PDE6A: variants seen among roughly 807,000 people sequenced by gnomAD.
The protein encoded by PDE6A is phosphodiesterase 6A.
A neutral mutation model predicts 106.3 loss-of-function variants in PDE6A; 84 were observed. The observed-to-expected ratio is 0.79, with a 90% CI of 0.66 to 0.95. PDE6A has a LOEUF of 0.95. Ranked by LOEUF, PDE6A falls within the 40% of genes least tolerant of loss-of-function variation. PDE6A has a pLI of 0.00. For missense variants in PDE6A, 1,052 were observed against 1,084.9 expected (o/e 0.97, Z 0.43); for synonymous variants, 394 against 386.6 (o/e 1.02, Z -0.23).
intron 1 of PDE6A, among the ~76,000 whole-genome samples, chr5:149,936,589 C>T (rs984701991): frequency 4.6e-5 from 7 of 152,198 alleles, no homozygotes; most frequent in Non-Finnish European, 1.0e-4. Context: ...CTCATTCCCA[C>T]TGGGTACTCA....
intron 1 of PDE6A, among the ~76,000 whole-genome samples, chr5:149,937,329 A>G (rs900725524): frequency 6.6e-6 from 1 of 152,240 alleles, no homozygotes; most frequent in African/African-American, 2.4e-5. Context: ...GGCCAGATCC[A>G]GCAGGGCTTT....
Position 149,869,032 on chromosome 5 carries a change from A to T in PDE6A, c.2136-874T>A, listed in dbSNP as rs142035196. Among the ~76,000 whole-genome samples, 203 of 152,354 alleles carry T rather than the reference A, an allele frequency of 1.3e-3. 1 individual carries two copies. The highest frequency in any genetic ancestry group is 4.8e-3 in the African/African-American group (199 of 41,594). ...AACAGCTGTAGCAAAGAGGCCTTGC[A>T]TTAAGGCTTGGAAAGGGCCAGGTGC... On this transcript the variant is annotated intron_variant, in intron 17 of 21. Coordinates refer to ENST00000255266, the MANE Select transcript of PDE6A (RefSeq NM_000440.3).
At chr5:149,902,322 G>T (rs760968074) in intron 8 of PDE6A, among the ~76,000 whole-genome samples, 9 of 152,086 alleles carry the variant, frequency 5.9e-5, no homozygotes, top group Non-Finnish European at 1.3e-4. Context: ...GATTAAGTCA[G>T]AATCTCCAGC....
At chr5:149,922,210 G>A (rs1311199854) in intron 4 of PDE6A, among the ~76,000 whole-genome samples, 1 of 152,046 alleles carries the variant, frequency 6.6e-6, no homozygotes, top group Non-Finnish European at 1.5e-5. Flanking sequence ...ACTGATAAGT[G>A]ACAAATGTGA....
At chr5:149,916,397 C>T (rs1264248464) in intron 5 of PDE6A, among the ~76,000 whole-genome samples, 1 of 152,196 alleles carries the variant, frequency 6.6e-6, no homozygotes, top group African/African-American at 2.4e-5. Flanking sequence ...AACCAGCCAT[C>T]CTCCCTGCAG....
At chr5:149,864,726 C>T (rs752997082) in intron 20 of PDE6A, among the ~76,000 whole-genome samples, 8 of 152,158 alleles carry the variant, frequency 5.3e-5, no homozygotes, top group South Asian at 2.1e-4. Context: ...AGCAAATCCA[C>T]GGCCCGCTGT....
At chr5:149,897,500 T>C (rs974401887) in intron 10 of PDE6A, among the ~76,000 whole-genome samples, 2 of 152,250 alleles carry the variant, frequency 1.3e-5, no homozygotes, top group African/African-American at 4.8e-5. Context: ...TCTTCTGAAT[T>C]TAACAGTTAT....
chr5:149,872,625 T>C lies in PDE6A; in HGVS notation c.2136-4467A>G, dbSNP rs1029656919. ...TCCAGCCTTCCTCTTAGCCAGCCCTTTCAGGACACTTACTCAGACCCTCCC... is the reference window on the plus strand; with the variant it reads ...TCCAGCCTTCCTCTTAGCCAGCCCTCTCAGGACACTTACTCAGACCCTCCC... On this transcript the variant is annotated intron_variant, in intron 17 of 21. Coordinates refer to ENST00000255266, the MANE Select transcript of PDE6A (RefSeq NM_000440.3). Among the ~76,000 whole-genome samples, 3 of 152,258 alleles carry C rather than the reference T, an allele frequency of 2.0e-5. No individual in the cohort carries two copies. In the East Asian group the frequency reaches 5.8e-4, roughly 29 times the overall value.
Position 149,933,976 on chromosome 5 carries a change from A to G in PDE6A, c.671T>C (p.Val224Ala). 1.9e-6 allele frequency: 3 copies of G among 1,613,962 alleles called. No homozygotes were observed. The change falls in exon 3 of 22, where the codon GTG becomes GCG. Residue 224 changes from valine to alanine, a missense_variant. By Grantham distance (64) the Val-to-Ala change is moderately conservative (BLOSUM62 0). Around this residue, in one of 3 missense-constraint regions of PDE6A, gnomAD observed 913 missense variants for 915.2 expected, o/e 1.00. Coordinates refer to ENST00000255266, the MANE Select transcript of PDE6A (RefSeq NM_000440.3). The part of the protein sequence containing the change: ...YLNFANLIMK[V>A]YHLSYLHNCE... ...GTTGTGCAGGTAACTCAGGTGGTAC[A>G]CCTTCATGATTAGATTTGCAAAATT...
At chr5:149,942,223 A>G (rs1035912708) in intron 1 of PDE6A, among the ~76,000 whole-genome samples, 2 of 151,982 alleles carry the variant, frequency 1.3e-5, no homozygotes, top group Admixed American at 1.3e-4. Context: ...TCAGCCTCCC[A>G]AAGTGCTGGG....
chr5:149,891,931 C>T (rs752065971), intron 13 of PDE6A, among the ~76,000 whole-genome samples: 23 of 152,236 alleles, frequency 1.5e-4, no homozygotes, highest in Non-Finnish European at 1.5e-5. Context: ...TTTCACTTAA[C>T]TGCTCCTTTA....
intron 5 of PDE6A, among the ~76,000 whole-genome samples, chr5:149,920,942 A>AAAAGAAAG (rs3049632): frequency 0.18 from 19,854 of 108,052 alleles, 2,191 homozygotes; most frequent in Middle Eastern, 0.27. Context: ...GAAAGAGAGA[A>AAAAGAAAG]AAAGAAAGAA....
At chr5:149,899,017 C>T (rs779383924) in intron 9 of PDE6A, among the ~76,000 whole-genome samples, 24 of 152,142 alleles carry the variant, frequency 1.6e-4, no homozygotes, top group Non-Finnish European at 2.8e-4. Flanking sequence ...ATATGCGCTA[C>T]CATGCCTGGC....
intron 13 of PDE6A, among the ~76,000 whole-genome samples, chr5:149,888,476 A>T (rs1752403612): frequency 6.8e-6 from 1 of 148,120 alleles, no homozygotes. Flanking sequence ...CACATAATTA[A>T]TATGTTATTT....
intron 10 of PDE6A, among the ~76,000 whole-genome samples, chr5:149,897,227 C>T (rs75087019): frequency 6.6e-6 from 1 of 152,350 alleles, no homozygotes; most frequent in African/African-American, 2.4e-5. Context: ...AGGCCTTGGA[C>T]ATAGTCCTAG....
intron 21 of PDE6A, among the ~76,000 whole-genome samples, chr5:149,861,750 G>A (rs1008714143): frequency 7.9e-5 from 12 of 151,884 alleles, no homozygotes; most frequent in African/African-American, 2.9e-4. Flanking sequence ...AAAAATGTTG[G>A]TACTGATTCT....
intron 1 of PDE6A, among the ~76,000 whole-genome samples, chr5:149,937,835 T>C (rs1581213935): frequency 6.6e-6 from 1 of 152,198 alleles, no homozygotes; most frequent in South Asian, 2.1e-4. Context: ...ACAACTGACA[T>C]ATATTATCTC....
chr5:149,915,049 T>C, intron 5 of PDE6A, 42 bp from the exon 6 acceptor site: 1 of 1,378,344 alleles, frequency 7.3e-7, no homozygotes, highest in South Asian at 1.2e-5. Context: ...TTTTTTTTTT[T>C]TTTTTGAGAC....
At chr5:149,920,942 A>AAAAGAAGAAAGAAAG (rs1554091211) in intron 5 of PDE6A, among the ~76,000 whole-genome samples, 352 of 108,348 alleles carry the variant, frequency 3.2e-3, no homozygotes, top group Non-Finnish European at 5.1e-3. Flanking sequence ...GAAAGAGAGA[A>AAAAGAAGAAAGAAAG]AAAGAAAGAA....
Sources: gnomAD v4.1 joint callset for allele counts (sites outside exome capture counted in the v4.1 genomes callset) on GRCh38, gnomAD v4.1.1 for gene constraint, gnomAD v4.1.1 regional missense constraint, MANE v1.5 for transcripts, NCBI Gene and HGNC (gene_info 2026-07-23, HGNC 2026-07-21) for gene names.